The following SEC23A variants were observed in gnomAD, a reference collection of about 807,000 sequenced individuals.
The protein encoded by SEC23A is protein transport protein Sec23A.
Under a neutral mutation model 103.7 loss-of-function variants are expected in SEC23A, and 56 were observed. The ratio of observed to expected loss-of-function variants is 0.54; its 90% confidence interval spans 0.44 to 0.67. The LOEUF (loss-of-function observed/expected upper bound fraction) is 0.67. Ranked by LOEUF, SEC23A falls within the 30% of genes least tolerant of loss-of-function variation. SEC23A has a pLI of 0.00. For missense variants in SEC23A, 784 were observed against 936.4 expected, an observed-to-expected ratio of 0.84 and a Z score of 2.12; for synonymous variants, 281 against 293.0, an observed-to-expected ratio of 0.96 and a Z score of 0.42.
chr14:39,101,289 C>T (rs1022394701), intron 1 of SEC23A, among the ~76,000 whole-genome samples: 7 of 152,026 alleles, frequency 4.6e-5, no homozygotes, highest in African/African-American at 1.7e-4. Context: ...GTCACTTTAA[C>T]CTAGTATATC....
chr14:39,090,997 GC>G (rs1566511861), intron 5 of SEC23A: 3 of 369,602 alleles, frequency 8.1e-6, no homozygotes. Context: ...AGAAGGTCCT[GC>G]CCCCACCACC....
chr14:39,072,590 A>C (rs1886874367), intron 9 of SEC23A, among the ~76,000 whole-genome samples: 1 of 151,908 alleles, frequency 6.6e-6, no homozygotes, highest in African/African-American at 2.4e-5. Context: ...AGGCAGGAGG[A>C]TCGAGCCCAG....
chr14:39,076,505 T>A (rs533840773), intron 7 of SEC23A, among the ~76,000 whole-genome samples: 24 of 150,832 alleles, frequency 1.6e-4, no homozygotes, highest in Non-Finnish European at 2.7e-4. Context: ...TGGGCTCAAG[T>A]GATCCTCCCA....
intron 7 of SEC23A, among the ~76,000 whole-genome samples, chr14:39,082,680 T>C (rs1324302513): frequency 6.6e-6 from 1 of 152,190 alleles, no homozygotes; most frequent in African/African-American, 2.4e-5. Context: ...ACTACCTTAA[T>C]GAATGACCAA....
intron 5 of SEC23A, 59 bp downstream of exon 5, chr14:39,091,418 T>TTATAAACA (rs1887658074): frequency 1.6e-6 from 2 of 1,268,196 alleles, no homozygotes; most frequent in African/African-American, 2.9e-5. Context: ...CAGAAGGCAT[T>TTATAAACA]TATAAACATA....
At chr14:39,048,611 A>G (rs749893169) in intron 15 of SEC23A, 41 bp downstream of exon 15, 12 of 1,338,244 alleles carry the variant, frequency 9.0e-6, no homozygotes, top group Admixed American at 1.7e-5. Context: ...AAAAAAGGAA[A>G]AAAAAGAAAA....
rs151074218 is a variant in SEC23A, at chr14:39,043,874, T to C, written c.1900-1002A>G. ...CTTTATAAGAGCCATTTCAATATAA[T>C]GTTAGGGACAAAAGTCTTACTTATA... On this transcript the variant is annotated intron_variant, in intron 16 of 19. Coordinates refer to ENST00000307712, the MANE Select transcript of SEC23A (RefSeq NM_006364.4). 4.5e-3 allele frequency among the ~76,000 whole-genome samples: 689 copies of C among 152,270 alleles called. 7 individuals are homozygous for C. Among genetic ancestry groups the C allele is most frequent in the African/African-American group, 0.016 (664 of 41,538 alleles).
Position 39,074,462 on chromosome 14 carries a change from T to C in SEC23A, c.1056A>G (p.Leu352=), listed in dbSNP as rs746086420. Residue 352 remains leucine, a synonymous_variant, in exon 9 of 20, where the codon TTA becomes TTG. Coordinates refer to ENST00000307712, the MANE Select transcript of SEC23A (RefSeq NM_006364.4). ...GHVIDIYACA[L]DQTGLLEMKC... ...TCATCTCCAGGAGACCTGTCTGATC[T>C]AATGCACACGCATAGATATCAATAA... 2 of 1,613,676 alleles carry C rather than the reference T, an allele frequency of 1.2e-6. No homozygotes were observed. Among genetic ancestry groups the C allele is most frequent in the East Asian group, 2.2e-5 (1 of 44,844 alleles).
intron 19 of SEC23A, among the ~76,000 whole-genome samples, chr14:39,036,477 T>G (rs1885466262): frequency 6.6e-6 from 1 of 152,140 alleles, no homozygotes; most frequent in South Asian, 2.1e-4. Flanking sequence ...TTTCTAGTTT[T>G]TTTGGCCCCT....
intron 2 of SEC23A, among the ~76,000 whole-genome samples, chr14:39,094,395 CACATATATATATATATATATATATATAT>C (rs1887793950): frequency 4.5e-4 from 5 of 11,116 alleles, no homozygotes; most frequent in South Asian, 6.3e-3. Flanking sequence ...CACACACACA[CACATATATATATATATATATATATATAT>C]ATATATATAT....
intron 1 of SEC23A, among the ~76,000 whole-genome samples, chr14:39,101,571 C>T (rs1012358207): frequency 5.3e-5 from 8 of 150,152 alleles, no homozygotes; most frequent in Non-Finnish European, 1.0e-4. Flanking sequence ...TGCAGTGAGC[C>T]GAAATCGTTC....
chr14:39,076,431 A>ATT (rs766282291), intron 7 of SEC23A, among the ~76,000 whole-genome samples: 15 of 134,546 alleles, frequency 1.1e-4, no homozygotes, highest in African/African-American at 1.9e-4. Context: ...TGGGTTTTTA[A>ATT]TTTTTTTTTT....
At chr14:39,086,738 T>C (rs889263087) in intron 6 of SEC23A, among the ~76,000 whole-genome samples, 191 bp downstream of exon 6, 3 of 152,196 alleles carry the variant, frequency 2.0e-5, no homozygotes, top group Non-Finnish European at 4.4e-5. Flanking sequence ...CTCCTTACAT[T>C]GTTAAGACAA....
intron 2 of SEC23A, chr14:39,095,031 A>AT (rs1203531217): frequency 1.4e-6 from 1 of 697,704 alleles, no homozygotes; most frequent in South Asian, 1.5e-5. Context: ...AAAGACAAGA[A>AT]TAGAAACAGG....
At chr14:39,094,165 A>T (rs1195959920) in intron 2 of SEC23A, among the ~76,000 whole-genome samples, 1 of 149,912 alleles carries the variant, frequency 6.7e-6, no homozygotes, top group Admixed American at 6.7e-5. Flanking sequence ...AGGACTACAG[A>T]CACATACCAC....
chr14:39,067,825 C>G (rs922799515), intron 9 of SEC23A, among the ~76,000 whole-genome samples: 1 of 151,926 alleles, frequency 6.6e-6, no homozygotes, highest in Non-Finnish European at 1.5e-5. Context: ...TGCACCAACA[C>G]GCCCAGCTAA....
Position 39,085,022 on chromosome 14 carries a change from T to C in SEC23A, c.828+740A>G, listed in dbSNP as rs150831174. ...TCCTAGATAGCTTCAAGATGGGGGCTGGTCACTGAAAAGACTAAAGCCTGA... is the reference window on the plus strand; with the variant it reads ...TCCTAGATAGCTTCAAGATGGGGGCCGGTCACTGAAAAGACTAAAGCCTGA... On this transcript the variant is annotated intron_variant, in intron 7 of 19. Transcript: ENST00000307712. Among the ~76,000 whole-genome samples the C allele has an allele frequency of 2.0e-3, 312 of 152,318 alleles. 2 individuals carry two copies. Among genetic ancestry groups the C allele is most frequent in the Admixed American group, 0.014 (218 of 15,286 alleles).
At chr14:39,076,215 C>A in intron 7 of SEC23A, 122 bp from the exon 8 acceptor site, 1 of 847,486 alleles carries the variant, frequency 1.2e-6, no homozygotes. Flanking sequence ...ATAAAATAAT[C>A]AAATGTTTAC....
At chr14:39,044,068 GTTAA>G (rs1441794580) in intron 16 of SEC23A, among the ~76,000 whole-genome samples, 1 of 152,066 alleles carries the variant, frequency 6.6e-6, no homozygotes, top group Non-Finnish European at 1.5e-5. Flanking sequence ...TGGTTTCTAT[GTTAA>G]TTAATAAGAA....
Sources: allele counts gnomAD v4.1 joint callset (sites outside exome capture counted in the v4.1 genomes callset), GRCh38; gene constraint gnomAD v4.1.1; transcripts MANE v1.5; gene names NCBI Gene and HGNC (gene_info 2026-07-23, HGNC 2026-07-21).